The following CTTNBP2NL variants were observed in gnomAD, a reference collection of about 807,000 sequenced individuals.
CTTNBP2NL encodes the protein CTTNBP2 N-terminal like.
In CTTNBP2NL, 16 loss-of-function variants were observed where a neutral mutation model predicts 32.5. The ratio of observed to expected loss-of-function variants is 0.49; its 90% CI spans 0.33 to 0.75. The LOEUF (loss-of-function observed/expected upper bound fraction) is 0.75. Ranked by LOEUF, CTTNBP2NL falls within the 30% of genes least tolerant of loss-of-function variation. The pLI, the probability that CTTNBP2NL is intolerant of heterozygous loss-of-function variation, is 0.02. For missense variants in CTTNBP2NL, 645 were observed against 756.0 expected (o/e 0.85, Z 1.72); for synonymous variants, 298 against 289.4 (o/e 1.03, Z -0.30).
chr1:112,403,709 T>C (rs534495738), intron 1 of CTTNBP2NL, among the ~76,000 whole-genome samples: 18 of 152,354 alleles, frequency 1.2e-4, no homozygotes, highest in African/African-American at 4.3e-4. Context: ...TTTACCTGTA[T>C]GCTAAAGGCA....
chr1:112,427,678 G>A (rs541955531), intron 3 of CTTNBP2NL, among the ~76,000 whole-genome samples: 165 of 152,200 alleles, frequency 1.1e-3, no homozygotes, highest in African/African-American at 3.7e-3. Context: ...AGTGGATCAC[G>A]AGGTCAGGAG....
intron 4 of CTTNBP2NL, among the ~76,000 whole-genome samples, chr1:112,450,255 C>T (rs978082120): frequency 1.3e-5 from 2 of 152,180 alleles, no homozygotes; most frequent in African/African-American, 4.8e-5. Flanking sequence ...CAGAGTGGAA[C>T]TTCTTAACCA....
chr1:112,416,913 A>G lies in CTTNBP2NL; in HGVS notation c.99+649A>G, dbSNP rs144154392. Reference sequence around the variant, plus strand: ...TCCATATATCAAAATTTGAAATATAATATCTGGGAGATCAAGGATCCCATG... The same window carrying G: ...TCCATATATCAAAATTTGAAATATAGTATCTGGGAGATCAAGGATCCCATG... On this transcript the variant is annotated intron_variant, in intron 3 of 5. Coordinates refer to ENST00000271277, the MANE Select transcript of CTTNBP2NL (RefSeq NM_018704.3). Among the ~76,000 whole-genome samples the G allele has an allele frequency of 6.2e-3, 951 of 152,284 alleles. 6 individuals are homozygous for G. Among genetic ancestry groups the G allele is most frequent in the African/African-American group, 0.022 (911 of 41,556 alleles).
chr1:112,397,991 A>G (rs187598103), intron 1 of CTTNBP2NL, among the ~76,000 whole-genome samples: 1 of 152,238 alleles, frequency 6.6e-6, no homozygotes, highest in Non-Finnish European at 1.5e-5. Flanking sequence ...CCAGTAAGAA[A>G]GTACAAAGAA....
intron 3 of CTTNBP2NL, among the ~76,000 whole-genome samples, chr1:112,424,094 A>T (rs1368439070): frequency 6.6e-6 from 1 of 152,174 alleles, no homozygotes. Flanking sequence ...CCAAGGTCAG[A>T]AAGGTTTTCT....
chr1:112,408,646 G>A (rs1395994844), intron 1 of CTTNBP2NL, among the ~76,000 whole-genome samples: 1 of 151,956 alleles, frequency 6.6e-6, no homozygotes, highest in African/African-American at 2.4e-5. Context: ...TTCATATTCA[G>A]ATTTAGTATT....
chr1:112,424,087 AG>A (rs1382948686), intron 3 of CTTNBP2NL, among the ~76,000 whole-genome samples: 4 of 152,056 alleles, frequency 2.6e-5, no homozygotes, highest in African/African-American at 9.7e-5. Context: ...GCCTAAACCA[AG>A]GTCAGAAAGG....
At chr1:112,422,523 T>C (rs1241136961) in intron 3 of CTTNBP2NL, among the ~76,000 whole-genome samples, 1 of 152,246 alleles carries the variant, frequency 6.6e-6, no homozygotes, top group African/African-American at 2.4e-5. Flanking sequence ...TGAATGGCTA[T>C]ATCATATGAT....
intron 3 of CTTNBP2NL, among the ~76,000 whole-genome samples, chr1:112,431,260 A>T (rs1237969685): frequency 6.6e-6 from 1 of 152,194 alleles, no homozygotes; most frequent in African/African-American, 2.4e-5. Flanking sequence ...ACTTCCTCTT[A>T]TTGTGTCTTC....
intron 1 of CTTNBP2NL, among the ~76,000 whole-genome samples, chr1:112,398,817 C>CAAAAA (rs3033224): frequency 3.2e-5 from 3 of 93,600 alleles, no homozygotes; most frequent in South Asian, 4.4e-4. Context: ...TGTCTCTTAA[C>CAAAAA]AAAAAAAAAA....
At chr1:112,400,966 CAAAAAAAAAAA>C (rs56784970) in intron 1 of CTTNBP2NL, among the ~76,000 whole-genome samples, 7 of 102,874 alleles carry the variant, frequency 6.8e-5, no homozygotes, top group Middle Eastern at 5.4e-3. Flanking sequence ...ACTCTGTCAC[CAAAAAAAAAAA>C]AAAAAAAAAA....
chr1:112,456,074 C>G lies in CTTNBP2NL; in HGVS notation c.582C>G (p.Ala194=), dbSNP rs779766188. ...GCAAGAAAGCCACCAACAAGGCAGC[C>G]GAGGAAGGACAGAAGGCAGGAGAGC... is the stretch of plus-strand genomic sequence containing the variant. The part of the protein sequence containing the change: ...LECKKATNKA[A]EEGQKAGELS... Residue 194 remains alanine, a synonymous_variant, in exon 6 of 6, where the codon GCC becomes GCG. Coordinates refer to ENST00000271277, the MANE Select transcript of CTTNBP2NL (RefSeq NM_018704.3). 1 of 1,614,004 alleles carries G rather than the reference C, an allele frequency of 6.2e-7. No homozygotes were observed. The highest frequency in any genetic ancestry group is 1.7e-5 in the Admixed American group (1 of 60,004).
chr1:112,417,664 C>T (rs928351488), intron 3 of CTTNBP2NL, among the ~76,000 whole-genome samples: 11 of 152,148 alleles, frequency 7.2e-5, no homozygotes, highest in African/African-American at 2.7e-4. Context: ...AGGCTTAACT[C>T]TGTGCAGTTT....
At chr1:112,425,879 G>A (rs142941759) in intron 3 of CTTNBP2NL, among the ~76,000 whole-genome samples, 5 of 151,306 alleles carry the variant, frequency 3.3e-5, no homozygotes, top group Admixed American at 6.6e-5. Context: ...TCAGTCAGTC[G>A]TTTCCATTGG....
Position 112,427,343 on chromosome 1 carries a change from GC to G in CTTNBP2NL, c.99+11080del, listed in dbSNP as rs1343111205. Among the ~76,000 whole-genome samples, 3 of 152,278 alleles carry G rather than the reference GC, an allele frequency of 2.0e-5. No individual in the cohort carries two copies. In the East Asian group the frequency reaches 5.8e-4, roughly 29 times the overall value. On this transcript the variant is annotated intron_variant, in intron 3 of 5. Transcript: ENST00000271277. Reference sequence around the variant, plus strand: ...AGGTGACATCCCCTATATTCTGAATGCTGCTCCAGAGTCAGTTGTTGAAGAA... The same window carrying G: ...AGGTGACATCCCCTATATTCTGAATGTGCTCCAGAGTCAGTTGTTGAAGAA...
rs1446931229 is a variant in CTTNBP2NL at position 112,457,268 on chromosome 1, T to C, written c.1776T>C (p.Ser592=). The part of the protein sequence containing the change: ...IPPKKPGLTP[S]PSATTPLTKT... ...CCAAGAAACCTGGCCTCACCCCTTC[T>C]CCATCTGCTACCACTCCATTGACCA... Residue 592 remains serine, a synonymous_variant, in exon 6 of 6, where the codon TCT becomes TCC. Transcript: ENST00000271277. The C allele has an allele frequency of 6.2e-7, 1 of 1,613,994 alleles. No homozygotes were observed.
intron 1 of CTTNBP2NL, among the ~76,000 whole-genome samples, chr1:112,398,889 A>G (rs148877181): frequency 6.6e-6 from 1 of 152,092 alleles, no homozygotes; most frequent in East Asian, 1.9e-4. Context: ...TTTTACTGTC[A>G]TGAAATTTGA....
At position 112,420,622 on chromosome 1, in the gene CTTNBP2NL, C is replaced by G. The variant is rs116972490; in HGVS notation, c.99+4358C>G. Among the ~76,000 whole-genome samples the G allele has an allele frequency of 2.0e-5, 3 of 152,246 alleles. No individual in the cohort carries two copies. The East Asian group carries it at 5.8e-4, about 29-fold the overall frequency. ...TAACTGGGACTACAGGGGCATGCCA[C>G]TATACCTGGCTAAGTTTTGTATTTT... On this transcript the variant is annotated intron_variant, in intron 3 of 5. Coordinates refer to ENST00000271277, the MANE Select transcript of CTTNBP2NL (RefSeq NM_018704.3).
At chr1:112,409,068 C>CAGTGAGCCAAGGTTGT (rs1553223448) in intron 1 of CTTNBP2NL, among the ~76,000 whole-genome samples, 1 of 144,312 alleles carries the variant, frequency 6.9e-6, no homozygotes, top group African/African-American at 2.6e-5. Flanking sequence ...GCAGAGGTTG[C>CAGTGAGCCAAGGTTGT]AGTGAGCCAA....
Sources: gnomAD v4.1 joint callset for allele counts (sites outside exome capture counted in the v4.1 genomes callset) on GRCh38, gnomAD v4.1.1 for gene constraint, MANE v1.5 for transcripts, NCBI Gene and HGNC (gene_info 2026-07-23, HGNC 2026-07-21) for gene names.